VAC14: variants seen among roughly 807,000 people sequenced by gnomAD.
VAC14 encodes the protein protein VAC14 homolog.
A neutral mutation model predicts 85.3 loss-of-function variants in VAC14; 47 were observed. That is an observed-to-expected ratio of 0.55 (90% CI 0.44 to 0.70). The LOEUF is 0.70. Among genes scored for constraint, VAC14 ranks in the 30% least tolerant of loss-of-function variants. VAC14 has a pLI of 0.00. For synonymous variants in VAC14, 447 were observed against 430.5 expected, an observed-to-expected ratio of 1.04 and a Z score of -0.47; for missense variants, 861 against 1,004.3, an observed-to-expected ratio of 0.86 and a Z score of 1.93.
At chr16:70,774,103 T>C (rs1303154263) in intron 9 of VAC14, among the ~76,000 whole-genome samples, 1 of 152,010 alleles carries the variant, frequency 6.6e-6, no homozygotes, top group East Asian at 1.9e-4. Flanking sequence ...ACCCAGAAGG[T>C]TAACTTCGAT....
At chr16:70,760,125 C>A (rs1424389436) in intron 12 of VAC14, among the ~76,000 whole-genome samples, 1 of 152,174 alleles carries the variant, frequency 6.6e-6, no homozygotes, top group Non-Finnish European at 1.5e-5. Context: ...AAGTGAGAGC[C>A]TTCGCAGCGA....
chr16:70,787,223 G>A (rs1598014629), intron 1 of VAC14, among the ~76,000 whole-genome samples: 2 of 152,206 alleles, frequency 1.3e-5, no homozygotes, highest in African/African-American at 4.8e-5. Context: ...TGCCGGGGAC[G>A]TTCAGGAGAA....
chr16:70,698,577 C>A (rs1406514448), intron 15 of VAC14, 60 bp downstream of exon 15: 3 of 1,598,184 alleles, frequency 1.9e-6, no homozygotes, highest in Admixed American at 1.7e-5. Context: ...CGGGCTCACA[C>A]AGGGTGTGCC....
At chr16:70,690,501 T>A in intron 18 of VAC14, 14 of 985,570 alleles carry the variant, frequency 1.4e-5, no homozygotes, top group Non-Finnish European at 1.7e-5. Flanking sequence ...TCTTAGAGGT[T>A]CCCTCCTGCC....
At chr16:70,737,114 G>T (rs988536445) in intron 13 of VAC14, among the ~76,000 whole-genome samples, 3 of 152,192 alleles carry the variant, frequency 2.0e-5, no homozygotes, top group African/African-American at 7.2e-5. Flanking sequence ...CCGGGAGGGT[G>T]ACTACAGGAG....
chr16:70,725,082 G>C (rs2054388529), intron 14 of VAC14, among the ~76,000 whole-genome samples: 1 of 152,250 alleles, frequency 6.6e-6, no homozygotes, highest in Non-Finnish European at 1.5e-5. Flanking sequence ...TGGGGCCAGA[G>C]GCAAACAGGG....
At position 70,766,641 on chromosome 16, in the gene VAC14, C is replaced by T. The variant is rs1292235070; in HGVS notation, c.1161-3616G>A. 2.8e-5 allele frequency: 11 copies of T among 391,908 alleles called. 1 individual carries two copies. Among genetic ancestry groups the T allele is most frequent in the African/African-American group, 6.2e-5 (3 of 48,026 alleles). 24.3% of individuals were successfully genotyped at this position (391,908 alleles called of 1,614,324 possible). A position where few individuals can be genotyped will look rare whatever the true frequency, so the allele number is the denominator to read the frequency against. ...CATCTGAGACCATGAGGCCATGTAC[C>T]AAGCAGTCATTCCCTGGGCTGGAGA... On this transcript the variant is annotated intron_variant, in intron 10 of 18. Transcript: ENST00000261776.
intron 18 of VAC14, chr16:70,689,177 C>T (rs1379216883): frequency 2.0e-6 from 2 of 977,386 alleles, no homozygotes; most frequent in African/African-American, 1.8e-5. Flanking sequence ...ACTGTTTCCT[C>T]ATCTGCAAAG....
At chr16:70,789,745 G>A (rs570722906) in intron 1 of VAC14, among the ~76,000 whole-genome samples, 1 of 152,188 alleles carries the variant, frequency 6.6e-6, no homozygotes, top group Non-Finnish European at 1.5e-5. Flanking sequence ...TCTAGAACCT[G>A]GTCTCCTTGT....
At chr16:70,699,123 T>G in intron 14 of VAC14, 2 of 305,606 alleles carry the variant, frequency 6.5e-6, no homozygotes, top group Non-Finnish European at 6.3e-6. Context: ...GTTCCTGAGA[T>G]CCCGTCACCT....
At chr16:70,740,787 G>A (rs891878006) in intron 13 of VAC14, among the ~76,000 whole-genome samples, 1 of 152,250 alleles carries the variant, frequency 6.6e-6, no homozygotes, top group African/African-American at 2.4e-5. Context: ...GCACAGGTGA[G>A]GAATGAGGGA....
intron 10 of VAC14, chr16:70,769,563 C>T (rs891738753): frequency 1.3e-5 from 2 of 152,224 alleles, no homozygotes; most frequent in African/African-American, 4.8e-5. Context: ...CACCAAAAGT[C>T]AGGAAGCACT....
Position 70,762,980 on chromosome 16 carries a change from C to T in VAC14, c.1206G>A (p.Gln402=). The T allele has an allele frequency of 6.2e-7, 1 of 1,614,228 alleles. No homozygotes were observed. Among genetic ancestry groups the T allele is most frequent in the South Asian group, 1.1e-5 (1 of 91,086 alleles). The part of the protein sequence containing the change: ...PVTLHLDGIV[Q]VLNCHLSDTA... Reference sequence around the variant, plus strand: ...TGTCACTGAGGTGGCAGTTTAGGACCTGCACGATCCCGTCGAGGTGAAGGG... The same window carrying T: ...TGTCACTGAGGTGGCAGTTTAGGACTTGCACGATCCCGTCGAGGTGAAGGG... Residue 402 remains glutamine (Q), a synonymous_variant, in exon 11 of 19, where the codon CAG becomes CAA. Transcript: ENST00000261776. This position sits in a 1 kb window ranked among gnomAD's most constrained non-coding sequence, Gnocchi z 4.1.
intron 2 of VAC14, 163 bp downstream of exon 2, chr16:70,786,052 G>T (rs1567606639): frequency 7.2e-7 from 1 of 1,381,480 alleles, no homozygotes; most frequent in Non-Finnish European, 9.8e-7. Flanking sequence ...GGACCAGGCT[G>T]CAAGGCCGCA....
At chr16:70,708,572 G>C (rs2053967075) in intron 14 of VAC14, among the ~76,000 whole-genome samples, 1 of 152,216 alleles carries the variant, frequency 6.6e-6, no homozygotes. Flanking sequence ...AATGAGGTCT[G>C]CGTTTGTGTC....
intron 14 of VAC14, among the ~76,000 whole-genome samples, chr16:70,709,590 G>A (rs924525553): frequency 8.5e-5 from 13 of 152,188 alleles, no homozygotes; most frequent in African/African-American, 3.1e-4. Context: ...CCAAGGGTAC[G>A]AGAGGGAAGC....
intron 5 of VAC14, among the ~76,000 whole-genome samples, 161 bp downstream of exon 5, chr16:70,783,952 G>C (rs1416874771): frequency 6.6e-6 from 1 of 152,186 alleles, no homozygotes; most frequent in Non-Finnish European, 1.5e-5. Context: ...GGTGGGTTTC[G>C]GGGGCAAAGC....
intron 14 of VAC14, among the ~76,000 whole-genome samples, chr16:70,706,205 C>T (rs2053917571): frequency 1.3e-5 from 2 of 152,244 alleles, no homozygotes; most frequent in Admixed American, 6.5e-5. Context: ...AGGCTGTTGG[C>T]AGCTGTGGAT....
In VAC14 at chr16:70,697,832, T is replaced by G. The variant is rs894665118; in HGVS notation, c.1837-575A>C. Among the ~76,000 whole-genome samples the G allele has an allele frequency of 5.3e-5, 8 of 152,296 alleles. No homozygotes were observed. The East Asian group carries it at 1.2e-3, about 22-fold the overall frequency. On this transcript the variant is annotated intron_variant, in intron 15 of 18. Coordinates refer to ENST00000261776, the MANE Select transcript of VAC14 (RefSeq NM_018052.5). The stretch of plus-strand genomic sequence containing the variant: ...GTGGCCTGGATCGTGCAGAGCCACT[T>G]GGCCCCAGATGCCCCCAGACATGGG...
Sources: allele counts gnomAD v4.1 joint callset (sites outside exome capture counted in the v4.1 genomes callset), GRCh38; gene constraint gnomAD v4.1.1; non-coding constraint Gnocchi (gnomAD v3.1); transcripts MANE v1.5; gene names NCBI Gene and HGNC (gene_info 2026-07-23, HGNC 2026-07-21).